The following UNC93A variants were observed in gnomAD, a reference collection of about 807,000 sequenced individuals.
UNC93A encodes the protein N-acetylglucosamine transporter UNC93A.
A neutral mutation model predicts 47.5 loss-of-function variants in UNC93A; 43 were observed. The ratio of observed to expected loss-of-function variants is 0.91; its 90% CI spans 0.71 to 1.17. The LOEUF is 1.17. UNC93A is among the 50% of genes most tolerant of loss of function. UNC93A has a pLI of 0.00. For synonymous variants in UNC93A, 280 were observed against 258.0 expected (o/e 1.09, Z -0.82); for missense variants, 605 against 577.6 (o/e 1.05, Z -0.49).
At chr6:167,299,698 G>A (rs1397268532) in intron 4 of UNC93A, among the ~76,000 whole-genome samples, 1 of 152,222 alleles carries the variant, frequency 6.6e-6, no homozygotes, top group Non-Finnish European at 1.5e-5. Flanking sequence ...CTCCAAGGGC[G>A]GGTGGTCCCT....
chr6:167,298,418 C>T (rs754777915), intron 4 of UNC93A: 10 of 165,248 alleles, frequency 6.1e-5, no homozygotes, highest in Middle Eastern at 2.7e-3. Context: ...CGGGGGCTGG[C>T]GGCTACCATT....
Position 167,305,940 on chromosome 6 carries a change from TCCAGTTCGTCGG to T in UNC93A, c.868_879del (p.Gln290_Gly293del), listed in dbSNP as rs763003090. 37 of 1,614,166 alleles carry T rather than the reference TCCAGTTCGTCGG, an allele frequency of 2.3e-5. No homozygotes were observed. Among genetic ancestry groups the T allele is most frequent in the Non-Finnish European group, 3.1e-5 (36 of 1,180,036 alleles). ...TCCTATGTCACCTGCACCCTGGGCATCCAGTTCGTCGGCTACGTGATGATCTGCTTCTCGGCC... is the reference window on the plus strand; with the variant it reads ...TCCTATGTCACCTGCACCCTGGGCATCTACGTGATGATCTGCTTCTCGGCC... On this transcript the variant is annotated inframe_deletion, in exon 6 of 8. Transcript: ENST00000230256.
At chr6:167,294,784 C>A in intron 2 of UNC93A, 86 bp downstream of exon 2, 1 of 1,415,960 alleles carries the variant, frequency 7.1e-7, no homozygotes, top group Non-Finnish European at 9.6e-7. Context: ...TGCATTTGCA[C>A]CTGATTACTG....
At chr6:167,305,851 GC>G in intron 5 of UNC93A, 63 bp from the exon 6 acceptor site, 2 of 1,609,854 alleles carry the variant, frequency 1.2e-6, no homozygotes, top group Non-Finnish European at 1.7e-6. Context: ...CCCGACTGCA[GC>G]TTTAGCTTGA....
Position 167,294,554 on chromosome 6 carries a change from C to A in UNC93A, c.125C>A (p.Ala42Glu). ...AGCGAGGAGGGCCTGGGTGTCACAG[C>A]GCTCAGCACCCTCTATGGAGGCATG... ...LYSEEGLGVTALSTLYGGMLL... is the reference protein window; with the variant it reads ...LYSEEGLGVTELSTLYGGMLL... The change falls in exon 2 of 8, where the codon GCG becomes GAG. Residue 42 changes from alanine to glutamate, a missense_variant. Ala to Glu is a moderately radical substitution (Grantham distance 107). Transcript: ENST00000230256. The A allele has an allele frequency of 2.5e-6, 4 of 1,614,112 alleles. No individual in the cohort carries two copies. Among genetic ancestry groups the A allele is most frequent in the Middle Eastern group, 1.6e-4 (1 of 6,062 alleles).
rs1363237753 is a variant in UNC93A at position 167,304,118 on chromosome 6, C to T, written c.825C>T (p.Ser275=). Residue 275 remains serine (S), a synonymous_variant, in exon 5 of 8, where the codon TCC becomes TCT. Coordinates refer to ENST00000230256, the MANE Select transcript of UNC93A (RefSeq NM_018974.4). ...GTGGATTGCAGCAAGGATTCCTCTC[C>T]AGCGAATACACAAGGGTATGAACGA... The part of the protein sequence containing the change: ...LYSGLQQGFL[S]SEYTRSYVTC... The T allele has an allele frequency of 6.2e-7, 1 of 1,614,186 alleles. No individual in the cohort carries two copies. The highest frequency in any genetic ancestry group is 1.6e-4 in the Middle Eastern group (1 of 6,062).
rs764810317 is a variant in UNC93A at position 167,315,411 on chromosome 6, G to A, written c.1333G>A (p.Val445Ile). ...GATCAGACCCCACGCTCCAGGACAG[G>A]TCAACCAGGCAGAGGATGAAGAAAT... ...NPIRPHAPGQ[V>I]NQAEDEEIQT... is the part of the protein sequence containing the mutation. The change falls in exon 8 of 8, where the codon GTC becomes ATC. Residue 445 changes from valine to isoleucine, a missense_variant. Transcript: ENST00000230256. The A allele has an allele frequency of 3.0e-5, 49 of 1,613,852 alleles. No homozygotes were observed. The highest frequency in any genetic ancestry group is 4.1e-5 in the Non-Finnish European group (48 of 1,179,888).
At chr6:167,314,583 A>G (rs1184276703) in intron 7 of UNC93A, among the ~76,000 whole-genome samples, 1 of 152,180 alleles carries the variant, frequency 6.6e-6, no homozygotes, top group African/African-American at 2.4e-5. Flanking sequence ...CCCTAAGCTA[A>G]AGGGAAAAGT....
upstream of UNC93A, among the ~76,000 whole-genome samples, chr6:167,287,063 T>C (rs1475158242): frequency 1.3e-5 from 2 of 151,768 alleles, no homozygotes; most frequent in Non-Finnish European, 2.9e-5. Flanking sequence ...TGTAAGTGGT[T>C]GGCTCTCGGC....
intron 1 of UNC93A, among the ~76,000 whole-genome samples, chr6:167,273,901 C>T (rs1783494652): frequency 6.6e-6 from 1 of 152,012 alleles, no homozygotes; most frequent in South Asian, 2.1e-4. Context: ...CTGATGCAGC[C>T]TCCAGGTAGC....
intron 6 of UNC93A, among the ~76,000 whole-genome samples, chr6:167,307,400 A>T (rs1778425977): frequency 6.6e-6 from 1 of 152,240 alleles, no homozygotes; most frequent in South Asian, 2.1e-4. Context: ...GCAAACATTG[A>T]GACAGTTCCA....
chr6:167,293,105 G>A (rs1359464080), intron 1 of UNC93A, among the ~76,000 whole-genome samples: 1 of 152,192 alleles, frequency 6.6e-6, no homozygotes, highest in Non-Finnish European at 1.5e-5. Flanking sequence ...AATGCGGGCA[G>A]ACAACCCTTT....
chr6:167,292,650 C>T (rs886866268), intron 1 of UNC93A, among the ~76,000 whole-genome samples: 8 of 152,130 alleles, frequency 5.3e-5, no homozygotes, highest in East Asian at 1.9e-4. Flanking sequence ...CTTTTCTTGC[C>T]GCAATGGTTC....
intron 1 of UNC93A, among the ~76,000 whole-genome samples, chr6:167,284,268 T>A (rs1783682748): frequency 2.0e-5 from 3 of 151,784 alleles, no homozygotes; most frequent in South Asian, 4.1e-4. Flanking sequence ...TTAAACTTTA[T>A]GTGACATTTT....
intron 4 of UNC93A, among the ~76,000 whole-genome samples, chr6:167,300,175 C>T (rs762912265): frequency 1.3e-5 from 2 of 152,176 alleles, no homozygotes; most frequent in African/African-American, 2.4e-5. Flanking sequence ...TGACGCCGTG[C>T]AGGGCTCAGG....
At chr6:167,270,071 G>GC (rs1783426672), upstream of UNC93A, among the ~76,000 whole-genome samples, 2 of 137,166 alleles carry the variant, frequency 1.5e-5, no homozygotes, top group African/African-American at 5.2e-5. Context: ...GGTGGGGGGG[G>GC]GGCGTTCACA....
chr6:167,306,678 G>A (rs767029816), intron 6 of UNC93A, among the ~76,000 whole-genome samples: 2 of 152,240 alleles, frequency 1.3e-5, no homozygotes, highest in Non-Finnish European at 2.9e-5. Flanking sequence ...CCAGGGCCAT[G>A]GAGCCTGGAG....
rs1778437728 is a variant in UNC93A, at chr6:167,307,646, T to C, written c.977-133T>C. The C allele has an allele frequency of 4.5e-6, 5 of 1,102,978 alleles. No individual in the cohort carries two copies. In the Admixed American group the frequency reaches 1.2e-4, roughly 26 times the overall value. 68.3% of individuals were successfully genotyped at this position (1,102,978 alleles called of 1,614,324 possible). A position where few individuals can be genotyped will look rare whatever the true frequency, so the allele number is the denominator to read the frequency against. On this transcript the variant is annotated intron_variant, in intron 6 of 7. Transcript: ENST00000230256. ...CAGAGGACGGTTGAGATGGTTGAGATGGTTGAGACGGTTCCAGAGGACAGT... is the reference window on the plus strand; with the variant it reads ...CAGAGGACGGTTGAGATGGTTGAGACGGTTGAGACGGTTCCAGAGGACAGT...
At chr6:167,272,558 A>G (rs937094235) in intron 1 of UNC93A, among the ~76,000 whole-genome samples, 2 of 152,226 alleles carry the variant, frequency 1.3e-5, no homozygotes, top group African/African-American at 4.8e-5. Flanking sequence ...GCTTGGATTT[A>G]TACATCTTAG....
Sources: gnomAD v4.1 joint callset for allele counts (sites outside exome capture counted in the v4.1 genomes callset) on GRCh38, gnomAD v4.1.1 for gene constraint, MANE v1.5 for transcripts, NCBI Gene and HGNC (gene_info 2026-07-23, HGNC 2026-07-21) for gene names.